The following PTPRE variants were observed in gnomAD, a reference collection of about 807,000 sequenced individuals.
The protein encoded by PTPRE is receptor-type tyrosine-protein phosphatase epsilon.
A neutral mutation model predicts 102.0 loss-of-function variants in PTPRE; 51 were observed. The observed-to-expected ratio is 0.50, with a 90% CI of 0.40 to 0.63. The LOEUF (loss-of-function observed/expected upper bound fraction) is 0.63, where lower values mean the gene tolerates loss of function less well. PTPRE is among the 30% of genes least tolerant of loss of function. PTPRE has a pLI of 0.00. For missense variants in PTPRE, 752 were observed against 915.1 expected (o/e 0.82, Z 2.30); for synonymous variants, 345 against 348.2 (o/e 0.99, Z 0.10).
At chr10:128,027,655 A>G (rs910565574) in intron 2 of PTPRE, among the ~76,000 whole-genome samples, 2 of 152,144 alleles carry the variant, frequency 1.3e-5, no homozygotes, top group African/African-American at 4.8e-5. Flanking sequence ...GAGCCTTTGG[A>G]AAGGTATCCG....
At position 128,084,520 on chromosome 10, in the gene PTPRE, G is replaced by C. The variant is rs1851960898; in HGVS notation, c.*1614G>C. On this transcript the variant is annotated 3_prime_UTR_variant, in exon 21 of 21. Coordinates refer to ENST00000254667, the MANE Select transcript of PTPRE (RefSeq NM_006504.6). Reference sequence around the variant, plus strand: ...GCCCCATCCAAGGGCAAGACTTGGTGCCCAGCTGGAAGGACGAAAGCACAC... The same window carrying C: ...GCCCCATCCAAGGGCAAGACTTGGTCCCCAGCTGGAAGGACGAAAGCACAC... 6.6e-6 allele frequency: 1 copy of C among 152,304 alleles called. No homozygotes were observed. Among genetic ancestry groups the C allele is most frequent in the South Asian group, 2.1e-4 (1 of 4,836 alleles). The allele number at this position is 152,304 out of a possible 1,614,324, so 9.4% of individuals were successfully genotyped here. A position where few individuals can be genotyped will look rare whatever the true frequency, so the allele number is the denominator to read the frequency against.
chr10:128,011,511 C>T (rs1347097800), intron 2 of PTPRE, among the ~76,000 whole-genome samples: 3 of 152,186 alleles, frequency 2.0e-5, no homozygotes, highest in South Asian at 4.1e-4. Context: ...CCCGACGGTG[C>T]CACCTTCTGG....
chr10:128,063,278 T>C, intron 10 of PTPRE, 98 bp downstream of exon 10: 3 of 1,525,692 alleles, frequency 2.0e-6, no homozygotes, highest in South Asian at 2.4e-5. Flanking sequence ...TTCCCTCCCT[T>C]CCTCCCACTA....
chr10:127,941,581 A>G (rs1848248504), intron 1 of PTPRE, among the ~76,000 whole-genome samples: 1 of 152,280 alleles, frequency 6.6e-6, no homozygotes, highest in Admixed American at 6.5e-5. Context: ...TTAAAAATAT[A>G]AACAATGAAT....
intron 17 of PTPRE, among the ~76,000 whole-genome samples, chr10:128,075,317 C>A (rs962083032): frequency 6.6e-6 from 1 of 152,158 alleles, no homozygotes; most frequent in African/African-American, 2.4e-5. Context: ...GAGACAAGTG[C>A]AGAATGTATA....
At chr10:127,956,101 T>A (rs1437497029) in intron 1 of PTPRE, among the ~76,000 whole-genome samples, 1 of 152,218 alleles carries the variant, frequency 6.6e-6, no homozygotes, top group African/African-American at 2.4e-5. Context: ...CAGGTGAAAC[T>A]ATTACCTTAT....
chr10:127,963,769 A>G (rs1269721694), intron 1 of PTPRE, among the ~76,000 whole-genome samples: 1 of 152,164 alleles, frequency 6.6e-6, no homozygotes, highest in African/African-American at 2.4e-5. Flanking sequence ...AGTGTGAGAC[A>G]ACCAGCACAC....
Position 127,907,154 on chromosome 10 carries a change from G to C in PTPRE, c.-186G>C. The stretch of plus-strand genomic sequence containing the variant: ...CAGCGGGCGGCAGGAGCCGGCGCGA[G>C]CGGCTTCAGGAACCCACGGCCTCTG... On this transcript the variant is annotated 5_prime_UTR_variant, in exon 1 of 21. Transcript: ENST00000254667. This position sits in a 1 kb window ranked among gnomAD's most constrained non-coding sequence, Gnocchi z 4.8. 3.3e-6 allele frequency: 2 copies of C among 607,364 alleles called. No individual in the cohort carries two copies. Among genetic ancestry groups the C allele is most frequent in the Non-Finnish European group, 4.1e-6 (2 of 485,044 alleles). The allele number at this position is 607,364 out of a possible 1,614,324, so 37.6% of individuals were successfully genotyped here. A position where few individuals can be genotyped will look rare whatever the true frequency, so the allele number is the denominator to read the frequency against.
At chr10:128,059,360 G>A (rs375007263) in intron 7 of PTPRE, among the ~76,000 whole-genome samples, 2 of 152,170 alleles carry the variant, frequency 1.3e-5, no homozygotes, top group East Asian at 1.9e-4. Flanking sequence ...TTTCTCTGCT[G>A]GCAGCCCGAC....
Position 128,083,538 on chromosome 10 carries a change from A to G in PTPRE, c.*632A>G, listed in dbSNP as rs917967707. 6 of 152,300 alleles carry G rather than the reference A, an allele frequency of 3.9e-5. No individual in the cohort carries two copies. In the East Asian group the frequency reaches 1.2e-3, roughly 29 times the overall value. The allele number at this position is 152,300 out of a possible 1,614,324, so 9.4% of individuals were successfully genotyped here. Reference sequence around the variant, plus strand: ...TTAAAATGCTGTGTCTACACCATCAAGACTGTGTCTACACTATCTTGGCTG... The same window carrying G: ...TTAAAATGCTGTGTCTACACCATCAGGACTGTGTCTACACTATCTTGGCTG... On this transcript the variant is annotated 3_prime_UTR_variant, in exon 21 of 21. Coordinates refer to ENST00000254667, the MANE Select transcript of PTPRE (RefSeq NM_006504.6).
intron 1 of PTPRE, among the ~76,000 whole-genome samples, chr10:127,922,749 A>G (rs910809320): frequency 1.3e-5 from 2 of 152,230 alleles, no homozygotes; most frequent in African/African-American, 4.8e-5. Context: ...CTCTATACCA[A>G]GGTGGGTGGG....
At chr10:128,001,071 C>A (rs1853832148) in intron 2 of PTPRE, among the ~76,000 whole-genome samples, 1 of 152,218 alleles carries the variant, frequency 6.6e-6, no homozygotes, top group Non-Finnish European at 1.5e-5. Flanking sequence ...GAATATTTGG[C>A]TATTTCATAT....
intron 1 of PTPRE, among the ~76,000 whole-genome samples, chr10:127,927,192 C>T (rs1291465420): frequency 6.6e-6 from 1 of 152,120 alleles, no homozygotes; most frequent in Non-Finnish European, 1.5e-5. Flanking sequence ...GCCCCCCACC[C>T]CCCCGGGGGT....
intron 2 of PTPRE, chr10:127,987,454 C>A: frequency 1.2e-6 from 1 of 807,812 alleles, no homozygotes; most frequent in Non-Finnish European, 1.7e-6. Flanking sequence ...ATGGTTGCTT[C>A]TAATATAATT....
chr10:128,063,072 T>C lies in PTPRE; in HGVS notation c.626-11T>C, dbSNP rs1849753375. ...ATGCCTTTTGACTTCGAAATTGTCC[T>C]CTACACACAGGTCCCAAACAGGAAA... On this transcript the variant is annotated splice_polypyrimidine_tract_variant and intron_variant, in intron 9 of 20. Transcript: ENST00000254667. 1 of 1,614,160 alleles carries C rather than the reference T, an allele frequency of 6.2e-7. No homozygotes were observed.
chr10:127,907,814 G>A lies in PTPRE; in HGVS notation c.-31+505G>A, dbSNP rs534809576. Among the ~76,000 whole-genome samples the A allele has an allele frequency of 6.6e-6, 1 of 152,350 alleles. No homozygotes were observed. The highest frequency in any genetic ancestry group is 1.5e-5 in the Non-Finnish European group (1 of 68,026). On this transcript the variant is annotated intron_variant, in intron 1 of 20. Coordinates refer to ENST00000254667, the MANE Select transcript of PTPRE (RefSeq NM_006504.6). The surrounding 1 kb of genome is among the most constrained non-coding windows in gnomAD (Gnocchi z 4.8). ...CCAGGATGCTGCCCCGCAGCCGGGC[G>A]GGCGCCCGCGCCTTCCCAGGGAGGC...
intron 2 of PTPRE, among the ~76,000 whole-genome samples, chr10:128,007,600 G>A (rs573297347): frequency 1.3e-5 from 2 of 152,346 alleles, no homozygotes; most frequent in Middle Eastern, 3.4e-3. Flanking sequence ...CACGTCTTAT[G>A]AGCTATGACC....
intron 2 of PTPRE, among the ~76,000 whole-genome samples, chr10:128,027,827 A>G (rs986235762): frequency 6.6e-5 from 10 of 152,174 alleles, no homozygotes. Flanking sequence ...AGAGACCCCA[A>G]TCTGGACCAG....
chr10:127,999,663 G>C, intron 2 of PTPRE: 1 of 983,290 alleles, frequency 1.0e-6, no homozygotes, highest in Non-Finnish European at 1.2e-6. Context: ...AATTCACTCT[G>C]CTGCTGTGAA....
Sources: gnomAD v4.1 joint callset for allele counts (sites outside exome capture counted in the v4.1 genomes callset) on GRCh38, gnomAD v4.1.1 for gene constraint, Gnocchi (gnomAD v3.1) non-coding constraint, MANE v1.5 for transcripts, NCBI Gene and HGNC (gene_info 2026-07-23, HGNC 2026-07-21) for gene names.